The following SNRNP25 variants were observed in gnomAD, a reference collection of about 807,000 sequenced individuals.
SNRNP25 encodes the protein U11/U12 small nuclear ribonucleoprotein 25 kDa protein.
Under a neutral mutation model 23.9 loss-of-function variants are expected in SNRNP25, and 21 were observed. The ratio of observed to expected loss-of-function variants is 0.88; its 90% CI spans 0.62 to 1.27. SNRNP25 has a LOEUF of 1.27. Ranked by LOEUF, SNRNP25 falls within the 50% of genes most tolerant of loss-of-function variation. The probability of loss-of-function intolerance (pLI) is 0.00; values close to 1 mark genes in which losing one functional copy is unlikely to be tolerated. For missense variants in SNRNP25, 160 were observed against 156.9 expected (o/e 1.02, Z -0.11); for synonymous variants, 63 against 60.4 (o/e 1.04, Z -0.20).
rs181031563 is a variant in SNRNP25, at chr16:55,802, A to G, written c.159A>G (p.Thr53=). The stretch of plus-strand genomic sequence containing the variant: ...CCGTGGTTGTAGTGCAGAGTGCCAC[A>G]GTCCTGGACCTGAAGAAGGCCATCC... ...VMPVVVVQSA[T]VLDLKKAIQR... is the part of the protein sequence containing the mutation. Residue 53 remains threonine, a synonymous_variant, in exon 3 of 5, where the codon ACA becomes ACG. Coordinates refer to ENST00000293861, the MANE Select transcript of SNRNP25 (RefSeq NM_024571.4). 3.2e-4 allele frequency: 510 copies of G among 1,614,172 alleles called. 2 individuals are homozygous for G. Among genetic ancestry groups the G allele is most frequent in the Non-Finnish European group, 2.9e-4 (343 of 1,180,014 alleles).
intron 2 of SNRNP25, 83 bp from the exon 3 acceptor site, chr16:55,694 G>T: frequency 1.3e-6 from 2 of 1,553,028 alleles, no homozygotes; most frequent in Non-Finnish European, 1.8e-6. Flanking sequence ...GTGCACAGAG[G>T]TGTTGGTTCC....
At position 55,769 on chromosome 16, in the gene SNRNP25, G is replaced by A; in HGVS notation, c.134-8G>A. 1 of 1,613,874 alleles carries A rather than the reference G, an allele frequency of 6.2e-7. No individual in the cohort carries two copies. The highest frequency in any genetic ancestry group is 8.5e-7 in the Non-Finnish European group (1 of 1,179,852). ...TGGATCTTCTCCCATCTGTGTCCGT[G>A]GTTGCAGCCGTGGTTGTAGTGCAGA... On this transcript the variant is annotated splice_polypyrimidine_tract_variant and splice_region_variant and intron_variant, in intron 2 of 4. Coordinates refer to ENST00000293861, the MANE Select transcript of SNRNP25 (RefSeq NM_024571.4).
chr16:54,375 G>A lies in SNRNP25; in HGVS notation c.42+317G>A, dbSNP rs188988145. Among the ~76,000 whole-genome samples, 12 of 152,192 alleles carry A rather than the reference G, an allele frequency of 7.9e-5. No homozygotes were observed. The East Asian group carries it at 2.3e-3, about 29-fold the overall frequency. On this transcript the variant is annotated intron_variant, in intron 1 of 4. Coordinates refer to ENST00000293861, the MANE Select transcript of SNRNP25 (RefSeq NM_024571.4). ...CGGCGTCCTCCCACCTCAGCCTCCC[G>A]AGTAATTGGGACCACAGGTGCGCGC... is the stretch of plus-strand genomic sequence containing the variant.
rs1052427635 is a variant in SNRNP25 at position 57,596 on chromosome 16, C to G, written c.*453C>G. On this transcript the variant is annotated 3_prime_UTR_variant, in exon 5 of 5. Coordinates refer to ENST00000293861, the MANE Select transcript of SNRNP25 (RefSeq NM_024571.4). ...AAAGCCTTGAGGCCACACCACTCCCCAAACCACACAACTGTGTTACCATGA... is the reference window on the plus strand; with the variant it reads ...AAAGCCTTGAGGCCACACCACTCCCGAAACCACACAACTGTGTTACCATGA... The G allele has an allele frequency of 5.6e-6, 1 of 180,038 alleles. No homozygotes were observed. Among genetic ancestry groups the G allele is most frequent in the African/African-American group, 2.3e-5 (1 of 42,700 alleles). The allele number at this position is 180,038 out of a possible 1,614,324, so 11.2% of individuals were successfully genotyped here. A position where few individuals can be genotyped will look rare whatever the true frequency, so the allele number is the denominator to read the frequency against.
At chr16:55,707 T>A (rs1897397829) in intron 2 of SNRNP25, 70 bp from the exon 3 acceptor site, 1 of 1,578,734 alleles carries the variant, frequency 6.3e-7, no homozygotes, top group African/African-American at 1.3e-5. Context: ...TTGGTTCCTT[T>A]CCTGCCATCG....
At chr16:55,956 C>A (rs553521136) in intron 3 of SNRNP25, 74 bp downstream of exon 3, 176 of 1,365,162 alleles carry the variant, frequency 1.3e-4, no homozygotes, top group Admixed American at 6.6e-4. Context: ...TCACCAGGCA[C>A]CACCTGGAAA....
In SNRNP25 at chr16:57,294, G is replaced by A. The variant is rs1200040511; in HGVS notation, c.*151G>A. 4 of 802,498 alleles carry A rather than the reference G, an allele frequency of 5.0e-6. No individual in the cohort carries two copies. Among genetic ancestry groups the A allele is most frequent in the Non-Finnish European group, 6.2e-6 (3 of 482,036 alleles). 49.7% of individuals were successfully genotyped at this position (802,498 alleles called of 1,614,324 possible). The stretch of plus-strand genomic sequence containing the variant: ...CAACAGTAACTGTCAGCATAAACCT[G>A]GGGGCCCTCAGGACTAGGACAGGGT... On this transcript the variant is annotated 3_prime_UTR_variant, in exon 5 of 5. Transcript: ENST00000293861.
intron 3 of SNRNP25, 54 bp downstream of exon 3, chr16:55,936 C>G: frequency 6.6e-7 from 1 of 1,505,842 alleles, no homozygotes; most frequent in Non-Finnish European, 9.1e-7. Flanking sequence ...TAGTGCCCTT[C>G]TTGGCACTGT....
intron 1 of SNRNP25, chr16:54,972 G>A (rs146785781): frequency 1.7e-3 from 273 of 158,750 alleles, no homozygotes; most frequent in Non-Finnish European, 3.2e-3. Flanking sequence ...GAGCCACCGC[G>A]CCCGGCCAAT....
intron 3 of SNRNP25, 47 bp from the exon 4 acceptor site, chr16:56,491 GC>G (rs1206098710): frequency 6.3e-7 from 1 of 1,592,552 alleles, no homozygotes; most frequent in Admixed American, 1.7e-5. Context: ...GAGCCACTCA[GC>G]TCACCCTGCT....
chr16:56,244 G>T lies in SNRNP25; in HGVS notation c.240-295G>T, dbSNP rs1452181461. 4.4e-6 allele frequency: 3 copies of T among 689,484 alleles called. 1 individual carries two copies. The highest frequency in any genetic ancestry group is 5.4e-6 in the Non-Finnish European group (2 of 367,638). 42.7% of individuals were successfully genotyped at this position (689,484 alleles called of 1,614,324 possible). ...GGGCTCCCATCCCCTTCTCACCTGG[G>T]TGCTGTCAGCCCTCACTCTCCTATT... On this transcript the variant is annotated intron_variant, in intron 3 of 4. Transcript: ENST00000293861.
chr16:55,154 C>CG (rs1402145934), intron 1 of SNRNP25: 6 of 359,642 alleles, frequency 1.7e-5, no homozygotes, highest in African/African-American at 1.3e-4. Flanking sequence ...CAGGGATATA[C>CG]TCAGCGTGAA....
At chr16:55,973 T>G in intron 3 of SNRNP25, 91 bp downstream of exon 3, 1 of 1,154,850 alleles carries the variant, frequency 8.7e-7, no homozygotes, top group Non-Finnish European at 1.3e-6. Context: ...GAAACAGCTC[T>G]CAGCTCTGCA....
intron 1 of SNRNP25, among the ~76,000 whole-genome samples, chr16:54,519 G>T (rs905439516): frequency 6.6e-6 from 1 of 152,026 alleles, no homozygotes; most frequent in Non-Finnish European, 1.5e-5. Context: ...CAAAATGCTG[G>T]GATTTAGGTG....
Sources: allele counts gnomAD v4.1 joint callset (sites outside exome capture counted in the v4.1 genomes callset), GRCh38; gene constraint gnomAD v4.1.1; transcripts MANE v1.5; gene names NCBI Gene and HGNC (gene_info 2026-07-23, HGNC 2026-07-21).